EYS: variants seen among roughly 807,000 people sequenced by gnomAD.
EYS encodes EGF-like photoreceptor maintenance factor.
In EYS, 250 loss-of-function variants were observed where a neutral mutation model predicts 282.1. That is an observed-to-expected ratio of 0.89 (90% CI 0.80 to 0.98). The LOEUF (loss-of-function observed/expected upper bound fraction) is 0.98. Among genes scored for constraint, EYS ranks in the 50% least tolerant of loss-of-function variants. The pLI, the probability that EYS is intolerant of heterozygous loss-of-function variation, is 0.00. For synonymous variants in EYS, 1,355 were observed against 1,282.9 expected (o/e 1.06, Z -1.20); for missense variants, 4,016 against 3,709.0 (o/e 1.08, Z -2.15).
At chr6:63,961,669 G>A (rs1766068795) in intron 35 of EYS, among the ~76,000 whole-genome samples, 2 of 152,086 alleles carry the variant, frequency 1.3e-5, no homozygotes, top group African/African-American at 4.8e-5. Context: ...TATGACAGAA[G>A]GGACAAACAG....
At chr6:64,965,373 T>C (rs1489225485) in intron 14 of EYS, among the ~76,000 whole-genome samples, 1 of 151,886 alleles carries the variant, frequency 6.6e-6, no homozygotes, top group Non-Finnish European at 1.5e-5. Context: ...TAGGCCTTTT[T>C]GTCCAATATA....
intron 32 of EYS, among the ~76,000 whole-genome samples, chr6:64,069,464 G>A (rs1771494048): frequency 6.6e-6 from 1 of 151,674 alleles, no homozygotes; most frequent in African/African-American, 2.4e-5. Context: ...ATATACACAT[G>A]TGATATACAT....
At chr6:65,475,564 G>GA (rs1765369916) in intron 5 of EYS, among the ~76,000 whole-genome samples, 1 of 151,842 alleles carries the variant, frequency 6.6e-6, no homozygotes, top group South Asian at 2.1e-4. Flanking sequence ...ACTTTTCTAT[G>GA]AAAAAATTCT....
intron 36 of EYS, among the ~76,000 whole-genome samples, chr6:63,808,009 T>G (rs1363346738): frequency 6.6e-6 from 1 of 152,194 alleles, no homozygotes; most frequent in Non-Finnish European, 1.5e-5. Context: ...CTGTTAATAA[T>G]TTACAACTGA....
rs887569672 is a variant in EYS, at chr6:63,720,587, A to G, written c.*9T>C. 4 of 1,450,902 alleles carry G rather than the reference A, an allele frequency of 2.8e-6. No individual in the cohort carries two copies. The highest frequency in any genetic ancestry group is 3.7e-6 in the Non-Finnish European group (4 of 1,093,440). The allele number at this position is 1,450,902 out of a possible 1,614,324, so 89.9% of individuals were successfully genotyped here. A position where few individuals can be genotyped will look rare whatever the true frequency, so the allele number is the denominator to read the frequency against. The stretch of plus-strand genomic sequence containing the variant: ...ATGTATAGTGTGTACTAAAATCTCT[A>G]GTGTTAACTTATGTAACCTCATTTT... On this transcript the variant is annotated 3_prime_UTR_variant, in exon 43 of 43. Coordinates refer to ENST00000503581, the MANE Select transcript of EYS (RefSeq NM_001142800.2).
intron 12 of EYS, among the ~76,000 whole-genome samples, chr6:65,087,976 A>G (rs1774435818): frequency 6.6e-6 from 1 of 152,044 alleles, no homozygotes; most frequent in African/African-American, 2.4e-5. Flanking sequence ...GTGAGATCTG[A>G]TGGTTTTATA....
At chr6:64,383,171 C>A (rs943080435) in intron 29 of EYS, among the ~76,000 whole-genome samples, 1 of 152,030 alleles carries the variant, frequency 6.6e-6, no homozygotes, top group African/African-American at 2.4e-5. Context: ...TATGGTGGTA[C>A]ATGCCTGTAG....
chr6:65,459,079 G>GA (rs1764727744), intron 5 of EYS, among the ~76,000 whole-genome samples: 1 of 152,000 alleles, frequency 6.6e-6, no homozygotes, highest in African/African-American at 2.4e-5. Flanking sequence ...GAAAATCAGA[G>GA]AAAAACACTT....
chr6:64,199,788 A>T (rs886755802), intron 31 of EYS, among the ~76,000 whole-genome samples: 8 of 152,244 alleles, frequency 5.3e-5, no homozygotes, highest in African/African-American at 1.9e-4. Context: ...TCAAAAGAAG[A>T]CATTTATGTG....
intron 8 of EYS, among the ~76,000 whole-genome samples, chr6:65,358,568 G>A (rs1358767759): frequency 1.3e-5 from 2 of 150,422 alleles, no homozygotes; most frequent in African/African-American, 2.5e-5. Context: ...ATGAGAGAGA[G>A]AAATGATCCT....
chr6:65,535,699 C>T (rs1767938964), intron 2 of EYS, among the ~76,000 whole-genome samples: 1 of 152,146 alleles, frequency 6.6e-6, no homozygotes, highest in Admixed American at 6.6e-5. Context: ...CTGTTCCTTA[C>T]TCAGCGATGT....
At chr6:64,967,727 T>C (rs764841444) in intron 14 of EYS, among the ~76,000 whole-genome samples, 2 of 152,284 alleles carry the variant, frequency 1.3e-5, no homozygotes, top group African/African-American at 2.4e-5. Flanking sequence ...TTAACTCCAG[T>C]ATTTTGCTTG....
At chr6:65,187,432 C>T (rs1581996454) in intron 12 of EYS, among the ~76,000 whole-genome samples, 1 of 151,780 alleles carries the variant, frequency 6.6e-6, no homozygotes, top group African/African-American at 2.4e-5. Context: ...GAAAGTCAAA[C>T]TCATGTCAAC....
chr6:64,046,279 T>C (rs2149840889), intron 33 of EYS, among the ~76,000 whole-genome samples: 1 of 152,094 alleles, frequency 6.6e-6, no homozygotes, highest in South Asian at 2.1e-4. Flanking sequence ...AGGGATCGAT[T>C]TCAGACCTAA....
At chr6:65,148,369 T>A (rs1304958490) in intron 12 of EYS, among the ~76,000 whole-genome samples, 1 of 152,086 alleles carries the variant, frequency 6.6e-6, no homozygotes, top group Non-Finnish European at 1.5e-5. Flanking sequence ...CCCATGCAAT[T>A]CTGAAATCCA....
At chr6:64,051,998 G>A (rs1770824961) in intron 33 of EYS, among the ~76,000 whole-genome samples, 1 of 152,108 alleles carries the variant, frequency 6.6e-6, no homozygotes, top group African/African-American at 2.4e-5. Flanking sequence ...CTCCATGCAA[G>A]TCTCCTTTCT....
chr6:64,836,861 A>G (rs1765398117), intron 19 of EYS, among the ~76,000 whole-genome samples: 1 of 151,706 alleles, frequency 6.6e-6, no homozygotes, highest in African/African-American at 2.4e-5. Context: ...GCCTAGGAAG[A>G]TGATTATTTC....
At chr6:64,730,210 C>G (rs967736067) in intron 22 of EYS, among the ~76,000 whole-genome samples, 1 of 152,056 alleles carries the variant, frequency 6.6e-6, no homozygotes, top group Non-Finnish European at 1.5e-5. Flanking sequence ...TGATTTCAAA[C>G]AAAGCTTTGG....
chr6:65,522,550 GGTGTTA>G (rs1767411355), intron 2 of EYS, among the ~76,000 whole-genome samples: 1 of 151,980 alleles, frequency 6.6e-6, no homozygotes, highest in Non-Finnish European at 1.5e-5. Context: ...TCCAGGCTGG[GGTGTTA>G]GTGTTCTTAA....
Sources: allele counts gnomAD v4.1 joint callset (sites outside exome capture counted in the v4.1 genomes callset), GRCh38; gene constraint gnomAD v4.1.1; transcripts MANE v1.5; gene names NCBI Gene and HGNC (gene_info 2026-07-23, HGNC 2026-07-21).